CDH12: variants seen among roughly 807,000 people sequenced by gnomAD.
The protein encoded by CDH12 is cadherin 12.
In CDH12, 41 loss-of-function variants were observed where a neutral mutation model predicts 74.1. The ratio of observed to expected loss-of-function variants is 0.55; its 90% CI spans 0.43 to 0.72. The LOEUF (loss-of-function observed/expected upper bound fraction) is 0.72. Among genes scored for constraint, CDH12 ranks in the 30% least tolerant of loss-of-function variants. CDH12 has a pLI of 0.00. For synonymous variants in CDH12, 399 were observed against 355.0 expected (o/e 1.12, Z -1.39); for missense variants, 945 against 977.2 (o/e 0.97, Z 0.44).
At chr5:21,796,903 C>T (rs1746811426) in intron 10 of CDH12, among the ~76,000 whole-genome samples, 1 of 152,094 alleles carries the variant, frequency 6.6e-6, no homozygotes, top group African/African-American at 2.4e-5. Context: ...GTTGGATATA[C>T]TTAATCCAGT....
intron 1 of CDH12, among the ~76,000 whole-genome samples, chr5:22,506,294 A>G (rs1307817579): frequency 6.6e-6 from 1 of 151,788 alleles, no homozygotes; most frequent in Admixed American, 6.6e-5. Context: ...TATTCTCCCC[A>G]TTTGTTTGTT....
chr5:22,312,799 T>C (rs1418600534), intron 3 of CDH12, among the ~76,000 whole-genome samples: 1 of 152,214 alleles, frequency 6.6e-6, no homozygotes, highest in Non-Finnish European at 1.5e-5. Flanking sequence ...GGTGAAAATA[T>C]AGTTTCTTCT....
At chr5:21,918,733 T>C (rs1190702297) in intron 6 of CDH12, among the ~76,000 whole-genome samples, 1 of 152,176 alleles carries the variant, frequency 6.6e-6, no homozygotes, top group African/African-American at 2.4e-5. Context: ...ATGGAGATTA[T>C]AATTCAAGTT....
chr5:22,583,061 A>C (rs1740185500), intron 1 of CDH12, among the ~76,000 whole-genome samples: 1 of 152,050 alleles, frequency 6.6e-6, no homozygotes, highest in African/African-American at 2.4e-5. Flanking sequence ...AATAGTAACA[A>C]ATTTCAGGGC....
At chr5:22,832,421 G>A (rs979044215) in intron 1 of CDH12, among the ~76,000 whole-genome samples, 1 of 152,076 alleles carries the variant, frequency 6.6e-6, no homozygotes, top group Non-Finnish European at 1.5e-5. Flanking sequence ...AATTGGCCAC[G>A]GCTTTAGGTG....
intron 1 of CDH12, among the ~76,000 whole-genome samples, chr5:22,655,470 A>G (rs1739984895): frequency 6.6e-6 from 1 of 152,186 alleles, no homozygotes; most frequent in Non-Finnish European, 1.5e-5. Flanking sequence ...TCTCCACACC[A>G]TCTTCTATTA....
At chr5:21,781,574 A>C (rs78841648) in intron 11 of CDH12, among the ~76,000 whole-genome samples, 2 of 152,130 alleles carry the variant, frequency 1.3e-5, no homozygotes, top group South Asian at 4.2e-4. Flanking sequence ...AAATACAAAA[A>C]TTAGCCAGGT....
chr5:22,535,899 C>T (rs1455628707), intron 1 of CDH12, among the ~76,000 whole-genome samples: 7 of 152,160 alleles, frequency 4.6e-5, no homozygotes, highest in Non-Finnish European at 7.4e-5. Context: ...TAAAAAATTG[C>T]GTTGGTACTG....
At chr5:21,934,374 C>G (rs1252426394) in intron 6 of CDH12, among the ~76,000 whole-genome samples, 1 of 152,042 alleles carries the variant, frequency 6.6e-6, no homozygotes, top group Non-Finnish European at 1.5e-5. Flanking sequence ...GTTATTTCAC[C>G]CAATGTAATA....
chr5:22,317,898 T>A (rs1738700945), intron 3 of CDH12, among the ~76,000 whole-genome samples: 1 of 152,208 alleles, frequency 6.6e-6, no homozygotes, highest in Admixed American at 6.5e-5. Context: ...ACTTGCAATC[T>A]GTATTTTTGG....
intron 5 of CDH12, among the ~76,000 whole-genome samples, chr5:22,063,004 T>C (rs1308887964): frequency 6.6e-6 from 1 of 152,134 alleles, no homozygotes; most frequent in East Asian, 1.9e-4. Context: ...ATTGAACATA[T>C]AAATACATGT....
At chr5:22,189,750 C>A (rs62349143) in intron 4 of CDH12, among the ~76,000 whole-genome samples, 55,694 of 151,818 alleles carry the variant, frequency 0.37, 11,787 homozygotes, top group East Asian at 0.73. Context: ...AAAAAAAATT[C>A]CTATTTTTAA....
intron 6 of CDH12, among the ~76,000 whole-genome samples, chr5:21,922,204 T>C (rs1219403609): frequency 1.3e-5 from 2 of 152,164 alleles, no homozygotes; most frequent in Non-Finnish European, 2.9e-5. Context: ...GAAGAATGTA[T>C]TTGTTTATTT....
At chr5:22,785,330 T>C (rs1747570419) in intron 1 of CDH12, among the ~76,000 whole-genome samples, 1 of 152,190 alleles carries the variant, frequency 6.6e-6, no homozygotes, top group Non-Finnish European at 1.5e-5. Context: ...TATGATAAGT[T>C]GTGTACATTC....
intron 6 of CDH12, among the ~76,000 whole-genome samples, chr5:21,971,144 C>T (rs1277695032): frequency 1.3e-5 from 2 of 151,758 alleles, no homozygotes; most frequent in African/African-American, 4.8e-5. Context: ...GCAAGAATCC[C>T]CATTCTCAAA....
intron 4 of CDH12, among the ~76,000 whole-genome samples, chr5:22,179,595 A>G (rs1749527187): frequency 6.6e-6 from 1 of 152,202 alleles, no homozygotes. Context: ...TACCTTAAGA[A>G]CAACTTTTTA....
chr5:21,931,082 A>G (rs1466093756), intron 6 of CDH12, among the ~76,000 whole-genome samples: 6 of 152,216 alleles, frequency 3.9e-5, no homozygotes, highest in Admixed American at 3.9e-4. Context: ...TTTATGACAT[A>G]ACTTTTAGCT....
rs74637781 is a variant in CDH12 at position 22,373,770 on chromosome 5, A to G, written c.-333+31487T>C. Among the ~76,000 whole-genome samples, 576 of 152,328 alleles carry G rather than the reference A, an allele frequency of 3.8e-3. 6 individuals are homozygous for G. The highest frequency in any genetic ancestry group is 0.013 in the African/African-American group (535 of 41,572). ...AGTGCCCTACCAACCAACAACATAT[A>G]TACATCTTTAGGAAAACAATCCTTC... On this transcript the variant is annotated intron_variant, in intron 3 of 14. Transcript: ENST00000382254.
At chr5:22,721,755 G>T (rs376843647) in intron 1 of CDH12, among the ~76,000 whole-genome samples, 5 of 152,218 alleles carry the variant, frequency 3.3e-5, no homozygotes, top group East Asian at 3.9e-4. Flanking sequence ...TGGATCATGG[G>T]GGCAGCTTTT....
Sources: allele counts gnomAD v4.1 joint callset (sites outside exome capture counted in the v4.1 genomes callset), GRCh38; gene constraint gnomAD v4.1.1; transcripts MANE v1.5; gene names NCBI Gene and HGNC (gene_info 2026-07-23, HGNC 2026-07-21).